VPS35L: variants seen among roughly 807,000 people sequenced by gnomAD.
VPS35L encodes VPS35 endosomal protein-sorting factor-like.
Under a neutral mutation model 133.0 loss-of-function variants are expected in VPS35L, and 83 were observed. That is an observed-to-expected ratio of 0.62 (90% CI 0.52 to 0.75). The LOEUF (loss-of-function observed/expected upper bound fraction) is 0.75, where lower values mean the gene tolerates loss of function less well. VPS35L is among the 30% of genes least tolerant of loss of function. VPS35L has a pLI of 0.00. For missense variants in VPS35L, 1,083 were observed against 1,206.8 expected (o/e 0.90, Z 1.52); for synonymous variants, 423 against 449.9 (o/e 0.94, Z 0.76).
chr16:19,576,664 C>G (rs536441790), intron 5 of VPS35L, among the ~76,000 whole-genome samples: 15 of 152,168 alleles, frequency 9.9e-5, no homozygotes, highest in Non-Finnish European at 1.9e-4. Context: ...TGCCACTCTC[C>G]CCACGGCTCT....
At chr16:19,629,718 GCATA>G in intron 17 of VPS35L, 45 bp from the exon 18 acceptor site, 1 of 1,542,232 alleles carries the variant, frequency 6.5e-7, no homozygotes. Context: ...TTGCTGTAAT[GCATA>G]CTATGTTGTA....
At chr16:19,608,341 G>A in intron 10 of VPS35L, 67 bp downstream of exon 10, 1 of 1,195,394 alleles carries the variant, frequency 8.4e-7, no homozygotes, top group Non-Finnish European at 1.2e-6. Context: ...ACTGTTAATA[G>A]AAGCCATGTG....
At chr16:19,607,823 T>C (rs1972581772) in intron 9 of VPS35L, 1 of 185,070 alleles carries the variant, frequency 5.4e-6, no homozygotes, top group Non-Finnish European at 1.1e-5. Context: ...GTGCCTGGGT[T>C]GAATTCTAAC....
In VPS35L at chr16:19,607,856, C is replaced by T. The variant is rs189016796; in HGVS notation, c.785-322C>T. ...AACTCTTACATTTGCTTGCTGTGTG[C>T]CTTGGGTGAGTCACTACATTCCTCT... is the stretch of plus-strand genomic sequence containing the variant. On this transcript the variant is annotated intron_variant, in intron 9 of 30. Transcript: ENST00000417362. 1.3e-5 allele frequency: 3 copies of T among 225,442 alleles called. No homozygotes were observed. In the East Asian group the frequency reaches 2.8e-4, roughly 21 times the overall value. 14.0% of individuals were successfully genotyped at this position (225,442 alleles called of 1,614,324 possible).
At chr16:19,606,121 C>T (rs182406235) in intron 9 of VPS35L, among the ~76,000 whole-genome samples, 2 of 152,194 alleles carry the variant, frequency 1.3e-5, no homozygotes, top group African/African-American at 2.4e-5. Flanking sequence ...GTAGTCAATG[C>T]GTGTATGCAA....
intron 22 of VPS35L, among the ~76,000 whole-genome samples, chr16:19,644,217 A>G (rs918369684): frequency 6.6e-6 from 1 of 152,124 alleles, no homozygotes; most frequent in South Asian, 2.1e-4. Context: ...TACATTTTCT[A>G]TTAAATAGAA....
intron 27 of VPS35L, among the ~76,000 whole-genome samples, chr16:19,673,350 C>A (rs953387779): frequency 1.3e-5 from 2 of 152,190 alleles, no homozygotes; most frequent in African/African-American, 4.8e-5. Context: ...TCACGTGGGG[C>A]CCGCATCCTG....
At chr16:19,566,397 A>G (rs1971190849) in intron 2 of VPS35L, among the ~76,000 whole-genome samples, 1 of 152,168 alleles carries the variant, frequency 6.6e-6, no homozygotes, top group African/African-American at 2.4e-5. Context: ...TCAGGAGACT[A>G]AGAGAGGAGA....
At chr16:19,610,298 C>T (rs1448414043) in intron 11 of VPS35L, 24 bp from the exon 12 acceptor site, 6 of 1,593,592 alleles carry the variant, frequency 3.8e-6, no homozygotes, top group South Asian at 2.2e-5. Flanking sequence ...GAATATAATG[C>T]TGGCCTGTTT....
At chr16:19,570,878 TATATATATA>T (rs1567388823) in intron 3 of VPS35L, among the ~76,000 whole-genome samples, 25 of 76,360 alleles carry the variant, frequency 3.3e-4, no homozygotes, top group African/African-American at 1.7e-3. Flanking sequence ...TATATATATA[TATATATATA>T]TATTTTTGAG....
intron 8 of VPS35L, among the ~76,000 whole-genome samples, chr16:19,598,741 T>C (rs1456170238): frequency 6.6e-6 from 1 of 150,882 alleles, no homozygotes. Flanking sequence ...CTGTGATTGC[T>C]CCACTGCACT....
intron 25 of VPS35L, among the ~76,000 whole-genome samples, chr16:19,651,074 G>T (rs1370193220): frequency 6.6e-6 from 1 of 152,060 alleles, no homozygotes; most frequent in East Asian, 1.9e-4. Context: ...AGAGATGGGG[G>T]TTTCACCATG....
chr16:19,568,158 A>G (rs1464079734), intron 2 of VPS35L, among the ~76,000 whole-genome samples: 1 of 152,124 alleles, frequency 6.6e-6, no homozygotes, highest in Non-Finnish European at 1.5e-5. Context: ...ATTATTAAGG[A>G]TATTACAAAG....
chr16:19,651,971 C>T lies in VPS35L; in HGVS notation c.2107-5C>T, dbSNP rs960667857. 3 of 1,584,034 alleles carry T rather than the reference C, an allele frequency of 1.9e-6. No homozygotes were observed. Among genetic ancestry groups the T allele is most frequent in the Admixed American group, 1.7e-5 (1 of 59,800 alleles). On this transcript the variant is annotated splice_polypyrimidine_tract_variant and splice_region_variant and intron_variant, in intron 25 of 30. Coordinates refer to ENST00000417362, the MANE Select transcript of VPS35L (RefSeq NM_020314.7). ...CTAGCGTTAATGTTTCTTCCCTTCT[C>T]CTAGGCCTGTGTTGCCTACTGCTTC...
At position 19,640,002 on chromosome 16, in the gene VPS35L, G is replaced by T. The variant is rs927423596; in HGVS notation, c.1699-13G>T. 4 of 1,611,254 alleles carry T rather than the reference G, an allele frequency of 2.5e-6. No homozygotes were observed. Among genetic ancestry groups the T allele is most frequent in the East Asian group, 2.2e-5 (1 of 44,856 alleles). On this transcript the variant is annotated splice_polypyrimidine_tract_variant and intron_variant, in intron 20 of 30. Transcript: ENST00000417362. ...TGTGTCATTTGCATATAGAGTGCTT[G>T]CTTTATTTATAGGAAAAATTTCTGC... is the stretch of plus-strand genomic sequence containing the variant.
chr16:19,693,013 A>G (rs1975752423), intron 29 of VPS35L, among the ~76,000 whole-genome samples: 1 of 152,218 alleles, frequency 6.6e-6, no homozygotes, highest in Admixed American at 6.5e-5. Context: ...CAGTTGCAGA[A>G]ATGCTGCAGC....
intron 27 of VPS35L, among the ~76,000 whole-genome samples, chr16:19,673,433 T>C (rs1974943342): frequency 6.6e-6 from 1 of 152,226 alleles, no homozygotes; most frequent in African/African-American, 2.4e-5. Context: ...TCTCCAGTTT[T>C]CCTGGGTACC....
chr16:19,642,223 A>G (rs1973808602), intron 21 of VPS35L, among the ~76,000 whole-genome samples, 173 bp from the exon 22 acceptor site: 1 of 152,196 alleles, frequency 6.6e-6, no homozygotes, highest in African/African-American at 2.4e-5. Flanking sequence ...AGTTTAAAAA[A>G]GAATTCTGAG....
chr16:19,609,214 T>G (rs1288644991), intron 11 of VPS35L, among the ~76,000 whole-genome samples, 193 bp downstream of exon 11: 1 of 152,182 alleles, frequency 6.6e-6, no homozygotes, highest in African/African-American at 2.4e-5. Flanking sequence ...AATCCCCATA[T>G]TAGAGAGAGG....
Sources: gnomAD v4.1 joint callset for allele counts (sites outside exome capture counted in the v4.1 genomes callset) on GRCh38, gnomAD v4.1.1 for gene constraint, MANE v1.5 for transcripts, NCBI Gene and HGNC (gene_info 2026-07-23, HGNC 2026-07-21) for gene names.